The following SPIDR variants were observed in gnomAD, a reference collection of about 807,000 sequenced individuals.
SPIDR encodes scaffold protein involved in DNA repair.
Under a neutral mutation model 104.6 loss-of-function variants are expected in SPIDR, and 93 were observed. The observed-to-expected ratio is 0.89, with a 90% confidence interval of 0.75 to 1.06. SPIDR has a LOEUF of 1.06. Among genes scored for constraint, SPIDR ranks in the 50% least tolerant of loss-of-function variants. The probability of loss-of-function intolerance (pLI) is 0.00; values close to 1 mark genes in which losing one functional copy is unlikely to be tolerated. For synonymous variants in SPIDR, 431 were observed against 416.9 expected, an observed-to-expected ratio of 1.03 and a Z score of -0.41; for missense variants, 1,154 against 1,111.2, an observed-to-expected ratio of 1.04 and a Z score of -0.55.
chr8:47,317,834 CAG>C (rs1308367700), intron 5 of SPIDR, among the ~76,000 whole-genome samples: 5 of 152,184 alleles, frequency 3.3e-5, no homozygotes, highest in Admixed American at 6.5e-5. Context: ...CTCAGGGAAA[CAG>C]GGTGTGGAGT....
intron 2 of SPIDR, among the ~76,000 whole-genome samples, chr8:47,283,042 G>A (rs1235921123): frequency 6.6e-6 from 1 of 152,122 alleles, no homozygotes; most frequent in Non-Finnish European, 1.5e-5. Context: ...TTTTGGTAGA[G>A]ATGGGGTTTC....
rs1292404800 is a variant in SPIDR, at chr8:47,475,233, C to T, written c.1097+34691C>T. The stretch of plus-strand genomic sequence containing the variant: ...CTGGTCCCTTCTCTCCTGGGTTAGC[C>T]GATCTGCTAGGAAGACAGGCTGTTA... On this transcript the variant is annotated intron_variant, in intron 8 of 19. Transcript: ENST00000297423. Among the ~76,000 whole-genome samples, 4 of 152,318 alleles carry T rather than the reference C, an allele frequency of 2.6e-5. No homozygotes were observed. In the South Asian group the frequency reaches 6.2e-4, roughly 24 times the overall value.
At chr8:47,614,324 C>T (rs536744907) in intron 10 of SPIDR, among the ~76,000 whole-genome samples, 1 of 152,124 alleles carries the variant, frequency 6.6e-6, no homozygotes, top group African/African-American at 2.4e-5. Flanking sequence ...TGGGTTCAAG[C>T]AGTTCTCCTG....
intron 10 of SPIDR, among the ~76,000 whole-genome samples, chr8:47,668,055 G>A (rs1298669897): frequency 6.6e-6 from 1 of 152,096 alleles, no homozygotes; most frequent in Non-Finnish European, 1.5e-5. Flanking sequence ...TGTTGAGCTG[G>A]TAGTTCAGAA....
chr8:47,299,576 T>C lies in SPIDR; in HGVS notation c.525+5546T>C, dbSNP rs1390011921. On this transcript the variant is annotated intron_variant, in intron 5 of 19. Coordinates refer to ENST00000297423, the MANE Select transcript of SPIDR (RefSeq NM_001080394.4). ...AGTTTTTGCCCATTCAGTATGATAT[T>C]GGCTGTGGGTTTGTCATAAATAGCT... Among the ~76,000 whole-genome samples, 403 of 152,318 alleles carry C rather than the reference T, an allele frequency of 2.6e-3. 3 individuals carry two copies. The highest frequency in any genetic ancestry group is 9.4e-3 in the African/African-American group (390 of 41,554).
chr8:47,391,096 T>G (rs1425006906), intron 5 of SPIDR, among the ~76,000 whole-genome samples: 1 of 152,196 alleles, frequency 6.6e-6, no homozygotes, highest in Non-Finnish European at 1.5e-5. Flanking sequence ...GGTGAGCCAG[T>G]AGGTCCTCTC....
chr8:47,270,718 AG>A (rs1328767590), intron 1 of SPIDR, among the ~76,000 whole-genome samples: 2 of 152,116 alleles, frequency 1.3e-5, no homozygotes, highest in African/African-American at 2.4e-5. Context: ...CAGATTTCTC[AG>A]TAAGTACTGC....
chr8:47,500,551 T>C (rs776640774), intron 8 of SPIDR, among the ~76,000 whole-genome samples: 3 of 152,226 alleles, frequency 2.0e-5, no homozygotes, highest in Non-Finnish European at 2.9e-5. Flanking sequence ...TAGCCCTTTG[T>C]CAGATGGGTA....
At chr8:47,555,930 T>C (rs1464713094) in intron 8 of SPIDR, among the ~76,000 whole-genome samples, 1 of 152,374 alleles carries the variant, frequency 6.6e-6, no homozygotes, top group South Asian at 2.1e-4. Context: ...TCTGTCTGTC[T>C]GACAGGGTTG....
At chr8:47,464,663 G>A (rs2074480935) in intron 8 of SPIDR, among the ~76,000 whole-genome samples, 1 of 151,188 alleles carries the variant, frequency 6.6e-6, no homozygotes, top group African/African-American at 2.5e-5. Context: ...GTCTAGTCCT[G>A]TCCTGTCCTG....
intron 8 of SPIDR, among the ~76,000 whole-genome samples, chr8:47,484,958 A>C (rs2154363189): frequency 6.6e-6 from 1 of 152,284 alleles, no homozygotes; most frequent in African/African-American, 2.4e-5. Flanking sequence ...TTTCCAACTG[A>C]GGTTCCGGGT....
chr8:47,529,325 GGA>G (rs1223619367), intron 8 of SPIDR, among the ~76,000 whole-genome samples: 1 of 152,112 alleles, frequency 6.6e-6, no homozygotes, highest in Middle Eastern at 3.2e-3. Context: ...GGCTGAAGCA[GGA>G]GAATCGTTTG....
intron 11 of SPIDR, among the ~76,000 whole-genome samples, chr8:47,695,979 C>T (rs748827668): frequency 1.6e-4 from 25 of 152,208 alleles, no homozygotes; most frequent in Non-Finnish European, 4.4e-5. Context: ...TCTTGGTCCG[C>T]AGCTGATTTC....
intron 8 of SPIDR, among the ~76,000 whole-genome samples, chr8:47,500,159 G>T (rs1185464086): frequency 6.6e-6 from 1 of 152,162 alleles, no homozygotes; most frequent in Non-Finnish European, 1.5e-5. Flanking sequence ...TATATACCGA[G>T]TAATGGGCTG....
intron 5 of SPIDR, among the ~76,000 whole-genome samples, chr8:47,303,699 G>A (rs2042637601): frequency 6.6e-6 from 1 of 152,172 alleles, no homozygotes; most frequent in Admixed American, 6.5e-5. Flanking sequence ...GCATCCCAAG[G>A]GTAAATCCCA....
intron 1 of SPIDR, among the ~76,000 whole-genome samples, chr8:47,262,630 T>C (rs1487800420): frequency 6.6e-6 from 1 of 152,162 alleles, no homozygotes; most frequent in Non-Finnish European, 1.5e-5. Context: ...CAACAAGATA[T>C]CGGTCCCCGT....
chr8:47,504,463 C>G (rs1238454680), intron 8 of SPIDR, among the ~76,000 whole-genome samples: 1 of 152,098 alleles, frequency 6.6e-6, no homozygotes, highest in Non-Finnish European at 1.5e-5. Context: ...ACATAGTTCT[C>G]GTGCCTTGGT....
intron 5 of SPIDR, among the ~76,000 whole-genome samples, chr8:47,344,909 TC>T (rs1391042821): frequency 6.6e-6 from 1 of 152,238 alleles, no homozygotes; most frequent in East Asian, 1.9e-4. Context: ...TTTCTCCCAT[TC>T]TATAGGTTGC....
chr8:47,426,424 T>C (rs1436970753), intron 7 of SPIDR, among the ~76,000 whole-genome samples: 1 of 152,038 alleles, frequency 6.6e-6, no homozygotes, highest in Non-Finnish European at 1.5e-5. Flanking sequence ...TTTTTTACTT[T>C]GTTCCTTACT....
Sources: allele counts gnomAD v4.1 joint callset (sites outside exome capture counted in the v4.1 genomes callset), GRCh38; gene constraint gnomAD v4.1.1; transcripts MANE v1.5; gene names NCBI Gene and HGNC (gene_info 2026-07-23, HGNC 2026-07-21).